Variants in MTUS1 observed in about 807,000 individuals in gnomAD.
MTUS1 encodes microtubule-associated tumor suppressor 1.
Under a neutral mutation model 120.8 loss-of-function variants are expected in MTUS1, and 109 were observed. The ratio of observed to expected loss-of-function variants is 0.90; its 90% CI spans 0.77 to 1.06. The LOEUF is 1.06. Among genes scored for constraint, MTUS1 ranks in the 50% least tolerant of loss-of-function variants. The pLI is 0.00. For synonymous variants in MTUS1, 737 were observed against 550.5 expected, an observed-to-expected ratio of 1.34 and a Z score of -4.74; for missense variants, 2,210 against 1,486.3, an observed-to-expected ratio of 1.49 and a Z score of -8.01.
chr8:17,798,628 G>A (rs1404722581), intron 1 of MTUS1, among the ~76,000 whole-genome samples: 3 of 152,240 alleles, frequency 2.0e-5, no homozygotes, highest in South Asian at 2.1e-4. Context: ...CACCGCACCC[G>A]GCTGGAAAAT....
At chr8:17,769,511 A>G (rs3930694) in intron 1 of MTUS1, among the ~76,000 whole-genome samples, 30,280 of 146,638 alleles carry the variant, frequency 0.21, 3,997 homozygotes, top group South Asian at 0.52. Flanking sequence ...CCACGCCCAG[A>G]TAATTTTTTG....
intron 6 of MTUS1, among the ~76,000 whole-genome samples, chr8:17,687,102 G>C (rs1160176881): frequency 3.3e-5 from 5 of 152,172 alleles, no homozygotes; most frequent in Admixed American, 1.3e-4. Context: ...AAGGAGGAAA[G>C]AACACATTGA....
At chr8:17,672,515 T>A (rs3739413) in intron 8 of MTUS1, among the ~76,000 whole-genome samples, 120,534 of 151,994 alleles carry the variant, frequency 0.79, 47,971 homozygotes, top group East Asian at 0.96. Flanking sequence ...GCTATGTCAA[T>A]GTCAAAGTTA....
intron 1 of MTUS1, among the ~76,000 whole-genome samples, chr8:17,774,482 T>C (rs541153002): frequency 4.6e-5 from 7 of 152,296 alleles, no homozygotes; most frequent in Admixed American, 3.3e-4. Flanking sequence ...CCACCAGGCA[T>C]TGGGGTGAAT....
At position 17,754,842 on chromosome 8, in the gene MTUS1, T is replaced by C; in HGVS notation, c.966A>G (p.Pro322=). The part of the protein sequence containing the change: ...CLSHDESNSE[P]HSQSSYRHKE... ...TGTGCCTGTATGAGCTCTGTGAATG[T>C]GGTTCGCTATTGGATTCATCATGGG... The change falls in exon 2 of 15, where the codon CCA becomes CCG. Residue 322 remains proline, a synonymous_variant. Coordinates refer to ENST00000693296, the MANE Select transcript of MTUS1 (RefSeq NM_001363059.2). The C allele has an allele frequency of 1.2e-6, 2 of 1,614,248 alleles. No homozygotes were observed. Among genetic ancestry groups the C allele is most frequent in the Non-Finnish European group, 1.7e-6 (2 of 1,180,046 alleles).
rs115587903 is a variant in MTUS1, at chr8:17,688,041, T to A, written c.2624-3499A>T. On this transcript the variant is annotated intron_variant, in intron 6 of 14. Coordinates refer to ENST00000693296, the MANE Select transcript of MTUS1 (RefSeq NM_001363059.2). The stretch of plus-strand genomic sequence containing the variant: ...AGCTGAGGACACATTCATTCTAGGC[T>A]GAAGAAGCCACACATTTCCTCAATC... 3.2e-3 allele frequency among the ~76,000 whole-genome samples: 485 copies of A among 152,354 alleles called. 5 individuals carry two copies. Among genetic ancestry groups the A allele is most frequent in the African/African-American group, 9.4e-3 (391 of 41,592 alleles).
chr8:17,737,063 T>C (rs1445809571), intron 3 of MTUS1, among the ~76,000 whole-genome samples: 1 of 152,176 alleles, frequency 6.6e-6, no homozygotes, highest in Non-Finnish European at 1.5e-5. Flanking sequence ...CCTTCACACA[T>C]ATGTGGTTTA....
intron 6 of MTUS1, among the ~76,000 whole-genome samples, chr8:17,699,183 A>G (rs1033395594): frequency 4.0e-4 from 61 of 152,256 alleles, no homozygotes; most frequent in African/African-American, 1.4e-3. Context: ...TTGTTTCTTC[A>G]GTAACAGCAA....
intron 5 of MTUS1, among the ~76,000 whole-genome samples, chr8:17,714,315 T>A (rs1397603234): frequency 6.6e-6 from 1 of 152,132 alleles, no homozygotes; most frequent in African/African-American, 2.4e-5. Flanking sequence ...TATTATCCTT[T>A]AAACACACAC....
chr8:17,746,503 G>A (rs1040263416), intron 2 of MTUS1, among the ~76,000 whole-genome samples: 1 of 152,126 alleles, frequency 6.6e-6, no homozygotes, highest in South Asian at 2.1e-4. Context: ...TTACAAGGCA[G>A]CAGACAAGAG....
chr8:17,790,650 G>A (rs180772398), intron 1 of MTUS1, among the ~76,000 whole-genome samples: 182 of 152,186 alleles, frequency 1.2e-3, no homozygotes, highest in African/African-American at 4.1e-3. Flanking sequence ...AAAATAAACC[G>A]TAATTCTCAG....
At chr8:17,790,784 C>T (rs1033730604) in intron 1 of MTUS1, among the ~76,000 whole-genome samples, 2 of 152,110 alleles carry the variant, frequency 1.3e-5, no homozygotes, top group African/African-American at 2.4e-5. Context: ...GTCAAGAGTT[C>T]GAGACCAGCG....
At chr8:17,721,635 AG>A in intron 4 of MTUS1, 1 of 1,464,482 alleles carries the variant, frequency 6.8e-7, no homozygotes, top group Non-Finnish European at 9.1e-7. Context: ...ACAGAAGTCA[AG>A]AGATCCTAAA....
intron 9 of MTUS1, chr8:17,654,918 G>A (rs1201565678): frequency 2.0e-6 from 1 of 508,244 alleles, no homozygotes; most frequent in African/African-American, 1.9e-5. Context: ...GCGAGACTCT[G>A]TCCCCACATG....
At chr8:17,776,531 G>A (rs10109448) in intron 1 of MTUS1, among the ~76,000 whole-genome samples, 1 of 151,892 alleles carries the variant, frequency 6.6e-6, no homozygotes, top group East Asian at 1.9e-4. Context: ...ATACAAAAAT[G>A]AGCTGGGCAT....
intron 12 of MTUS1, 105 bp downstream of exon 12, chr8:17,653,081 G>C: frequency 1.5e-6 from 1 of 662,338 alleles, no homozygotes; most frequent in Non-Finnish European, 2.6e-6. Context: ...ACATGAGAAG[G>C]ATTCCCAACC....
At chr8:17,750,309 C>T (rs900856007) in intron 2 of MTUS1, among the ~76,000 whole-genome samples, 1 of 152,192 alleles carries the variant, frequency 6.6e-6, no homozygotes, top group Non-Finnish European at 1.5e-5. Flanking sequence ...GATCTTCTGT[C>T]TCTGGCTAGG....
intron 6 of MTUS1, among the ~76,000 whole-genome samples, chr8:17,687,834 A>C (rs1041903112): frequency 7.2e-5 from 11 of 152,204 alleles, no homozygotes; most frequent in Admixed American, 4.6e-4. Flanking sequence ...ATAAGATTTA[A>C]AACTAGTGCA....
At chr8:17,742,894 C>G (rs2047446459) in intron 3 of MTUS1, among the ~76,000 whole-genome samples, 1 of 152,048 alleles carries the variant, frequency 6.6e-6, no homozygotes, top group Non-Finnish European at 1.5e-5. Context: ...TTAATTTGCC[C>G]AAGGCTGTAC....
Sources: gnomAD v4.1 joint callset for allele counts (sites outside exome capture counted in the v4.1 genomes callset) on GRCh38, gnomAD v4.1.1 for gene constraint, MANE v1.5 for transcripts, NCBI Gene and HGNC (gene_info 2026-07-23, HGNC 2026-07-21) for gene names.